SLC16A10: variants seen among roughly 807,000 people sequenced by gnomAD.
The protein encoded by SLC16A10 is solute carrier family 16 member 10, also known as monocarboxylate transporter 10.
In SLC16A10, 27 loss-of-function variants were observed where a neutral mutation model predicts 40.0. The ratio of observed to expected loss-of-function variants is 0.67; its 90% CI spans 0.50 to 0.93. SLC16A10 has a LOEUF of 0.93. Among genes scored for constraint, SLC16A10 ranks in the 40% least tolerant of loss-of-function variants. SLC16A10 has a pLI of 0.00. For synonymous variants in SLC16A10, 213 were observed against 249.8 expected (o/e 0.85, Z 1.39); for missense variants, 529 against 658.2 (o/e 0.80, Z 2.15).
chr6:111,194,035 G>A (rs1332286413), intron 3 of SLC16A10, among the ~76,000 whole-genome samples: 5 of 152,186 alleles, frequency 3.3e-5, no homozygotes, highest in African/African-American at 4.8e-5. Context: ...GGTAGGGAGA[G>A]CGTCTTCTCT....
intron 3 of SLC16A10, among the ~76,000 whole-genome samples, chr6:111,186,387 G>T (rs1772898348): frequency 6.6e-6 from 1 of 152,174 alleles, no homozygotes; most frequent in African/African-American, 2.4e-5. Context: ...TTAGATAAGG[G>T]TCCTTTCATG....
At position 111,221,894 on chromosome 6, in the gene SLC16A10, A is replaced by G. The variant is rs146125531; in HGVS notation, c.1316-109A>G. 2.8e-4 allele frequency: 298 copies of G among 1,046,856 alleles called. 1 individual carries two copies. In the African/African-American group the frequency reaches 4.6e-3, roughly 16 times the overall value. 64.8% of individuals were successfully genotyped at this position (1,046,856 alleles called of 1,614,324 possible). A position where few individuals can be genotyped will look rare whatever the true frequency, so the allele number is the denominator to read the frequency against. On this transcript the variant is annotated intron_variant, in intron 5 of 5. Transcript: ENST00000368851. ...TATATTTCAGATCTGTTTCCTAAAA[A>G]AAAAAAAAAGTCTGATGTCTGAGAT...
chr6:111,144,160 T>A (rs958514613), intron 1 of SLC16A10, among the ~76,000 whole-genome samples: 81 of 152,140 alleles, frequency 5.3e-4, no homozygotes, highest in African/African-American at 1.9e-3. Flanking sequence ...AAAAAAAAGG[T>A]CTTAAAAAAT....
At chr6:111,097,339 T>C (rs1389946584) in intron 1 of SLC16A10, among the ~76,000 whole-genome samples, 1 of 151,946 alleles carries the variant, frequency 6.6e-6, no homozygotes, top group East Asian at 1.9e-4. Context: ...GGAGACAGAG[T>C]CTTGCTCTGT....
chr6:111,205,987 A>C (rs542114424), intron 3 of SLC16A10, among the ~76,000 whole-genome samples: 1 of 152,198 alleles, frequency 6.6e-6, no homozygotes, highest in Non-Finnish European at 1.5e-5. Context: ...GTATGTTCAA[A>C]TGTCTGTTCT....
At chr6:111,171,253 G>T (rs2114540471) in intron 1 of SLC16A10, among the ~76,000 whole-genome samples, 1 of 152,282 alleles carries the variant, frequency 6.6e-6, no homozygotes, top group South Asian at 2.1e-4. Flanking sequence ...GTCTACTTTT[G>T]AATCCCTGTC....
chr6:111,192,699 G>A (rs1002177930), intron 3 of SLC16A10, among the ~76,000 whole-genome samples: 1 of 152,172 alleles, frequency 6.6e-6, no homozygotes, highest in Non-Finnish European at 1.5e-5. Flanking sequence ...GGCTGGGGAG[G>A]CCTCACAATC....
At chr6:111,101,191 T>C (rs1051560746) in intron 1 of SLC16A10, among the ~76,000 whole-genome samples, 14 of 151,594 alleles carry the variant, frequency 9.2e-5, no homozygotes, top group Non-Finnish European at 1.5e-4. Flanking sequence ...CCGCTACACG[T>C]AACTAATTTT....
chr6:111,156,292 A>G (rs1772268697), intron 1 of SLC16A10, among the ~76,000 whole-genome samples: 1 of 152,236 alleles, frequency 6.6e-6, no homozygotes, highest in African/African-American at 2.4e-5. Context: ...CCACTCCTGT[A>G]AGTGTGGGCT....
At chr6:111,108,727 C>G (rs1340434747) in intron 1 of SLC16A10, among the ~76,000 whole-genome samples, 1 of 152,102 alleles carries the variant, frequency 6.6e-6, no homozygotes, top group Non-Finnish European at 1.5e-5. Context: ...TCAGGAGGTT[C>G]TCAAAGAGAA....
At chr6:111,189,153 A>G (rs1361823733) in intron 3 of SLC16A10, among the ~76,000 whole-genome samples, 1 of 152,246 alleles carries the variant, frequency 6.6e-6, no homozygotes, top group Non-Finnish European at 1.5e-5. Context: ...GTAAATTCAT[A>G]AAGAAACAAA....
intron 1 of SLC16A10, among the ~76,000 whole-genome samples, chr6:111,126,107 G>A (rs1421988812): frequency 6.6e-6 from 1 of 152,152 alleles, no homozygotes; most frequent in Non-Finnish European, 1.5e-5. Context: ...ATAATCGATA[G>A]TGCCCATTTC....
At chr6:111,212,436 A>G (rs1400848237) in intron 4 of SLC16A10, among the ~76,000 whole-genome samples, 2 of 152,210 alleles carry the variant, frequency 1.3e-5, no homozygotes, top group African/African-American at 4.8e-5. Context: ...TTTTTGCTTA[A>G]GAGTTCTGAA....
chr6:111,184,028 T>G (rs1273355015), intron 3 of SLC16A10, among the ~76,000 whole-genome samples: 1 of 152,160 alleles, frequency 6.6e-6, no homozygotes, highest in Admixed American at 6.5e-5. Flanking sequence ...ACAGTGACAA[T>G]GATAATGAAG....
chr6:111,222,338 C>A lies in SLC16A10; in HGVS notation c.*103C>A. ...AATTTCATATTTTTTTAATCACATC[C>A]TAGGAATAGCACAATAATTGGGAAA... On this transcript the variant is annotated 3_prime_UTR_variant, in exon 6 of 6. Transcript: ENST00000368851. The A allele has an allele frequency of 2.2e-6, 3 of 1,390,782 alleles. No individual in the cohort carries two copies. 86.2% of individuals were successfully genotyped at this position (1,390,782 alleles called of 1,614,324 possible).
chr6:111,202,837 A>G (rs374470542), intron 3 of SLC16A10, among the ~76,000 whole-genome samples: 4 of 136,010 alleles, frequency 2.9e-5, no homozygotes, highest in Non-Finnish European at 4.6e-5. Context: ...CAGTGAGCTG[A>G]GATCATGCCA....
chr6:111,230,908 C>T lies in SLC16A10; in HGVS notation c.*8673C>T, dbSNP rs1771105609. The stretch of plus-strand genomic sequence containing the variant: ...AGTGCAGCTCTGCTTCTCTCCCAAC[C>T]TACCCTGGGGCCATTTTTGGCACAA... On this transcript the variant is annotated 3_prime_UTR_variant, in exon 6 of 6. Transcript: ENST00000368851. 6.6e-6 allele frequency: 1 copy of T among 152,170 alleles called. No individual in the cohort carries two copies. The highest frequency in any genetic ancestry group is 6.5e-5 in the Admixed American group (1 of 15,276). 9.4% of individuals were successfully genotyped at this position (152,170 alleles called of 1,614,324 possible). A position where few individuals can be genotyped will look rare whatever the true frequency, so the allele number is the denominator to read the frequency against.
chr6:111,210,730 CTT>C (rs1463041135), intron 4 of SLC16A10, among the ~76,000 whole-genome samples: 2 of 152,108 alleles, frequency 1.3e-5, no homozygotes, highest in Non-Finnish European at 2.9e-5. Context: ...GATGAAGAGA[CTT>C]TGCTTTAAGA....
rs1026680 is a variant in SLC16A10 at position 111,229,876 on chromosome 6, A to G, written c.*7641A>G. ...TGTAATCCCAGCACTTTGGGAGGCCAAGGCAGGCGGATTGCTTGAGGCCAG... is the reference window on the plus strand; with the variant it reads ...TGTAATCCCAGCACTTTGGGAGGCCGAGGCAGGCGGATTGCTTGAGGCCAG... On this transcript the variant is annotated 3_prime_UTR_variant, in exon 6 of 6. Transcript: ENST00000368851. The G allele has an allele frequency of 0.48, 72,474 of 152,094 alleles. 17,736 individuals carry two copies. The highest frequency in any genetic ancestry group is 0.61 in the African/African-American group (25,031 of 41,348). The allele number at this position is 152,094 out of a possible 1,614,324, so 9.4% of individuals were successfully genotyped here. A position where few individuals can be genotyped will look rare whatever the true frequency, so the allele number is the denominator to read the frequency against.
Sources: allele counts gnomAD v4.1 joint callset (sites outside exome capture counted in the v4.1 genomes callset), GRCh38; gene constraint gnomAD v4.1.1; transcripts MANE v1.5; gene names NCBI Gene and HGNC (gene_info 2026-07-23, HGNC 2026-07-21).